The following UBE2E2 variants were observed in gnomAD, a reference collection of about 807,000 sequenced individuals.
UBE2E2 encodes ubiquitin-conjugating enzyme E2 E2.
Under a neutral mutation model 24.7 loss-of-function variants are expected in UBE2E2, and 6 were observed. The observed-to-expected ratio is 0.24, with a 90% CI of 0.13 to 0.48. UBE2E2 has a LOEUF of 0.48. Ranked by LOEUF, UBE2E2 falls within the 20% of genes least tolerant of loss-of-function variation. The pLI is 0.99. For synonymous variants in UBE2E2, 104 were observed against 83.6 expected (o/e 1.24, Z -1.33); for missense variants, 169 against 245.0 (o/e 0.69, Z 2.07).
intron 3 of UBE2E2, among the ~76,000 whole-genome samples, chr3:23,360,008 T>A (rs1342599854): frequency 1.3e-5 from 2 of 152,176 alleles, no homozygotes; most frequent in Non-Finnish European, 2.9e-5. Flanking sequence ...CTCTCCCCAG[T>A]GTTCAGGTTA....
intron 3 of UBE2E2, among the ~76,000 whole-genome samples, chr3:23,440,459 A>G (rs1698280695): frequency 6.6e-6 from 1 of 152,188 alleles, no homozygotes; most frequent in African/African-American, 2.4e-5. Flanking sequence ...ACTGACCTGC[A>G]TTATCTCCAT....
intron 3 of UBE2E2, among the ~76,000 whole-genome samples, chr3:23,396,669 GTCTC>G (rs895871294): frequency 6.6e-6 from 1 of 151,928 alleles, no homozygotes; most frequent in Non-Finnish European, 1.5e-5. Context: ...TAACCTTTCT[GTCTC>G]TCTGTTTCTT....
intron 2 of UBE2E2, 124 bp downstream of exon 2, chr3:23,208,999 C>T: frequency 9.3e-7 from 1 of 1,073,606 alleles, no homozygotes; most frequent in Non-Finnish European, 1.3e-6. Flanking sequence ...TTTTTCTTTT[C>T]CCTTCAAGAT....
chr3:23,382,451 G>A (rs190985232), intron 3 of UBE2E2, among the ~76,000 whole-genome samples: 9 of 152,206 alleles, frequency 5.9e-5, no homozygotes, highest in South Asian at 4.1e-4. Context: ...GAAAGTGCTA[G>A]GATTATGGGG....
At chr3:23,458,683 C>G (rs1278794730) in intron 3 of UBE2E2, among the ~76,000 whole-genome samples, 1 of 152,096 alleles carries the variant, frequency 6.6e-6, no homozygotes, top group African/African-American at 2.4e-5. Context: ...TCCCAAAGTG[C>G]TAGGATTACA....
At chr3:23,273,479 C>T (rs1436313810) in intron 3 of UBE2E2, among the ~76,000 whole-genome samples, 6 of 149,652 alleles carry the variant, frequency 4.0e-5, no homozygotes, top group Non-Finnish European at 8.9e-5. Flanking sequence ...TGCAGTGAGC[C>T]GAGATTGCGC....
chr3:23,481,232 T>G (rs774550564), intron 3 of UBE2E2, among the ~76,000 whole-genome samples: 49 of 152,338 alleles, frequency 3.2e-4, no homozygotes, highest in Non-Finnish European at 5.4e-4. Context: ...TTCTCAACCT[T>G]TTGTTTCAGC....
At chr3:23,383,211 GT>G (rs1002942761) in intron 3 of UBE2E2, among the ~76,000 whole-genome samples, 16 of 150,016 alleles carry the variant, frequency 1.1e-4, no homozygotes, top group African/African-American at 3.2e-4. Context: ...GGATAACACA[GT>G]TTTTTTTTTC....
chr3:23,268,661 C>G (rs551800232), intron 3 of UBE2E2, among the ~76,000 whole-genome samples: 1,848 of 148,692 alleles, frequency 0.012, 34 homozygotes, highest in African/African-American at 0.042. Flanking sequence ...CCATCCCCAT[C>G]AAGCTACCAA....
At chr3:23,547,003 T>C (rs920169879) in intron 5 of UBE2E2, among the ~76,000 whole-genome samples, 1 of 152,206 alleles carries the variant, frequency 6.6e-6, no homozygotes. Context: ...ATTCTGTTTC[T>C]GTTAGAGTTA....
At position 23,519,713 on chromosome 3, in the gene UBE2E2, A is replaced by G. The variant is rs537221148; in HGVS notation, c.361-12841A>G. 1.9e-4 allele frequency among the ~76,000 whole-genome samples: 29 copies of G among 152,074 alleles called. 1 individual carries two copies. The highest frequency in any genetic ancestry group is 1.4e-3 in the Admixed American group (21 of 15,262). ...TGTTTTTGAGACAGGGTCTCGCTCT[A>G]TTGCCCATACTGGAGTGCAGTGGCA... On this transcript the variant is annotated intron_variant, in intron 4 of 5. Coordinates refer to ENST00000396703, the MANE Select transcript of UBE2E2 (RefSeq NM_152653.4).
chr3:23,501,530 A>G lies in UBE2E2; in HGVS notation c.360+1790A>G, dbSNP rs1470360484. ...CTACTGAAGTCTGACTCCAGGGGCC[A>G]TGTACTTTCCACTGAATTATACACA... On this transcript the variant is annotated intron_variant, in intron 4 of 5. Coordinates refer to ENST00000396703, the MANE Select transcript of UBE2E2 (RefSeq NM_152653.4). 2.0e-5 allele frequency among the ~76,000 whole-genome samples: 3 copies of G among 152,326 alleles called. No individual in the cohort carries two copies. The East Asian group carries it at 5.8e-4, about 29-fold the overall frequency.
chr3:23,432,773 A>G (rs975658170), intron 3 of UBE2E2, among the ~76,000 whole-genome samples: 2 of 151,964 alleles, frequency 1.3e-5, no homozygotes, highest in African/African-American at 4.8e-5. Flanking sequence ...TCATTTCCAG[A>G]TAACAGTCAC....
intron 4 of UBE2E2, among the ~76,000 whole-genome samples, chr3:23,520,610 T>G (rs565546449): frequency 2.6e-5 from 4 of 152,334 alleles, no homozygotes; most frequent in African/African-American, 9.6e-5. Context: ...AGCTGTAAAT[T>G]TACTTATCAT....
chr3:23,553,846 A>G (rs1439085018), intron 5 of UBE2E2, among the ~76,000 whole-genome samples: 1 of 152,212 alleles, frequency 6.6e-6, no homozygotes, highest in Non-Finnish European at 1.5e-5. Flanking sequence ...AACCAAGGAG[A>G]TAAAAGACCT....
At chr3:23,368,970 T>C (rs967620924) in intron 3 of UBE2E2, among the ~76,000 whole-genome samples, 3 of 152,188 alleles carry the variant, frequency 2.0e-5, no homozygotes, top group African/African-American at 7.2e-5. Context: ...CTCTAAAATA[T>C]CAGGTTGCAG....
At chr3:23,556,212 T>C (rs2125501507) in intron 5 of UBE2E2, among the ~76,000 whole-genome samples, 1 of 143,932 alleles carries the variant, frequency 6.9e-6, no homozygotes, top group African/African-American at 2.6e-5. Flanking sequence ...TGGTGCGATC[T>C]CAGCTCACTG....
chr3:23,282,122 C>A (rs1041947616), intron 3 of UBE2E2, among the ~76,000 whole-genome samples: 1 of 152,188 alleles, frequency 6.6e-6, no homozygotes, highest in African/African-American at 2.4e-5. Flanking sequence ...AAAGCCCAGC[C>A]CTTTCGTCTC....
intron 4 of UBE2E2, among the ~76,000 whole-genome samples, chr3:23,525,407 T>C (rs1694971526): frequency 6.6e-6 from 1 of 152,220 alleles, no homozygotes; most frequent in African/African-American, 2.4e-5. Context: ...TTAAAACCTT[T>C]GTTATCCAGG....
Sources: allele counts gnomAD v4.1 joint callset (sites outside exome capture counted in the v4.1 genomes callset), GRCh38; gene constraint gnomAD v4.1.1; transcripts MANE v1.5; gene names NCBI Gene and HGNC (gene_info 2026-07-23, HGNC 2026-07-21).